Variants in EFNB2 observed in about 807,000 individuals in gnomAD.
EFNB2 encodes ephrin-B2.
A neutral mutation model predicts 32.1 loss-of-function variants in EFNB2; 5 were observed. That is an observed-to-expected ratio of 0.16 (90% confidence interval 0.08 to 0.33). The LOEUF (loss-of-function observed/expected upper bound fraction) is 0.33. EFNB2 is among the 10% of genes least tolerant of loss of function. The pLI is 1.00. For synonymous variants in EFNB2, 168 were observed against 166.5 expected (o/e 1.01, Z -0.07); for missense variants, 263 against 422.6 (o/e 0.62, Z 3.31).
intron 1 of EFNB2, among the ~76,000 whole-genome samples, chr13:106,532,393 T>C (rs1306659435): frequency 6.6e-6 from 1 of 152,222 alleles, no homozygotes; most frequent in East Asian, 1.9e-4. Flanking sequence ...AAATGAATTG[T>C]TCCACAGTTC....
intron 1 of EFNB2, chr13:106,521,399 A>C (rs1768748345): frequency 6.6e-6 from 1 of 152,228 alleles, no homozygotes; most frequent in South Asian, 2.1e-4. Context: ...TACCTTTGAA[A>C]AAAAGTAATT....
chr13:106,503,912 T>C (rs141919477), intron 2 of EFNB2, among the ~76,000 whole-genome samples: 1 of 152,348 alleles, frequency 6.6e-6, no homozygotes, highest in African/African-American at 2.4e-5. Flanking sequence ...ATGTAAGAGT[T>C]CTAAAGATAA....
At chr13:106,494,777 A>C in intron 4 of EFNB2, 104 bp downstream of exon 4, 1 of 828,586 alleles carries the variant, frequency 1.2e-6, no homozygotes, top group African/African-American at 1.7e-5. Context: ...ACTTCCAGCT[A>C]ATCCTAACTG....
intron 1 of EFNB2, chr13:106,519,962 G>A (rs1456830958): frequency 6.6e-6 from 1 of 152,126 alleles, no homozygotes; most frequent in Non-Finnish European, 1.5e-5. Context: ...AGTTGAAGTT[G>A]TGGCCTATTT....
intron 3 of EFNB2, 75 bp downstream of exon 3, chr13:106,495,673 G>A (rs1260891413): frequency 1.5e-5 from 21 of 1,388,896 alleles, no homozygotes; most frequent in Middle Eastern, 1.8e-4. Context: ...GGTGGGCATC[G>A]GCAACATTAG....
chr13:106,522,541 T>C lies in EFNB2; in HGVS notation c.123-9729A>G, dbSNP rs374884874. 1.5e-4 allele frequency among the ~76,000 whole-genome samples: 23 copies of C among 152,314 alleles called. No homozygotes were observed. The South Asian group carries it at 4.1e-3, about 27-fold the overall frequency. On this transcript the variant is annotated intron_variant, in intron 1 of 4. Coordinates refer to ENST00000646441, the MANE Select transcript of EFNB2 (RefSeq NM_004093.4). ...GGAGATGAAAGGCTCACGTAAGTCA[T>C]ACAGGGAATGCCTTGGCATTGAAAA...
At chr13:106,501,805 T>G (rs941977786) in intron 2 of EFNB2, among the ~76,000 whole-genome samples, 26 of 151,974 alleles carry the variant, frequency 1.7e-4, no homozygotes, top group African/African-American at 4.8e-4. Flanking sequence ...TGTTAGCCAG[T>G]TTGGTCTCGA....
intron 2 of EFNB2, among the ~76,000 whole-genome samples, chr13:106,504,261 C>A (rs937020873): frequency 6.6e-6 from 1 of 152,168 alleles, no homozygotes; most frequent in African/African-American, 2.4e-5. Flanking sequence ...CCAGTAATTG[C>A]GAGACGAGTG....
intron 4 of EFNB2, among the ~76,000 whole-genome samples, chr13:106,494,367 G>T (rs377365308): frequency 3.3e-5 from 5 of 152,272 alleles, no homozygotes; most frequent in African/African-American, 1.2e-4. Context: ...CTACACTTTT[G>T]TCAGGGACCT....
At chr13:106,532,854 C>T (rs1356710510) in intron 1 of EFNB2, among the ~76,000 whole-genome samples, 1 of 151,450 alleles carries the variant, frequency 6.6e-6, no homozygotes, top group East Asian at 2.0e-4. Context: ...CCTGTCACCT[C>T]CCCCCAGGAC....
chr13:106,505,098 G>C (rs892755000), intron 2 of EFNB2, among the ~76,000 whole-genome samples: 6 of 152,092 alleles, frequency 3.9e-5, no homozygotes, highest in Non-Finnish European at 8.8e-5. Flanking sequence ...ATTGCAAGCT[G>C]GTTATATGTT....
At chr13:106,516,892 T>C (rs1879330247) in intron 1 of EFNB2, 1 of 152,198 alleles carries the variant, frequency 6.6e-6, no homozygotes, top group Admixed American at 6.5e-5. Context: ...CAGACAATTA[T>C]GCAAATAGCA....
In EFNB2 at chr13:106,535,106, C is replaced by G. The variant is rs113759992; in HGVS notation, c.-142G>C. The G allele has an allele frequency of 5.3e-6, 6 of 1,130,714 alleles. No individual in the cohort carries two copies. The highest frequency in any genetic ancestry group is 3.3e-5 in the African/African-American group (2 of 61,524). 70.0% of individuals were successfully genotyped at this position (1,130,714 alleles called of 1,614,324 possible). A position where few individuals can be genotyped will look rare whatever the true frequency, so the allele number is the denominator to read the frequency against. On this transcript the variant is annotated 5_prime_UTR_variant, in exon 1 of 5. Transcript: ENST00000646441. The stretch of plus-strand genomic sequence containing the variant: ...CAGCTCCGAGGCGCGCTGCGCAGCT[C>G]CAGCGGTCGCCGGGCCAGGTGCGCT...
chr13:106,531,935 AT>A (rs200625114), intron 1 of EFNB2, among the ~76,000 whole-genome samples: 1 of 151,634 alleles, frequency 6.6e-6, no homozygotes, highest in Admixed American at 6.6e-5. Flanking sequence ...AGTAAAATTA[AT>A]TTTTTTTTAA....
At chr13:106,522,225 G>A (rs535891586) in intron 1 of EFNB2, among the ~76,000 whole-genome samples, 3 of 152,142 alleles carry the variant, frequency 2.0e-5, no homozygotes, top group Non-Finnish European at 2.9e-5. Context: ...GCTTGATCAC[G>A]CCAGCTCCAT....
chr13:106,533,465 G>A (rs528405035), intron 1 of EFNB2, among the ~76,000 whole-genome samples: 1 of 152,380 alleles, frequency 6.6e-6, no homozygotes, highest in South Asian at 2.1e-4. Flanking sequence ...GAAGGAGGCA[G>A]AGCTAAGTAA....
chr13:106,512,327 T>A (rs531846803), intron 2 of EFNB2, among the ~76,000 whole-genome samples: 5 of 137,864 alleles, frequency 3.6e-5, no homozygotes, highest in African/African-American at 1.3e-4. Flanking sequence ...TTTGGGTATG[T>A]ATACTTAATG....
chr13:106,492,809 C>T lies in EFNB2; in HGVS notation c.*231G>A, dbSNP rs977007352. On this transcript the variant is annotated 3_prime_UTR_variant, in exon 5 of 5. Coordinates refer to ENST00000646441, the MANE Select transcript of EFNB2 (RefSeq NM_004093.4). This position sits in a 1 kb window ranked among gnomAD's most constrained non-coding sequence, Gnocchi z 5.1. ...GACGCGGCACAGCAGTCCGAATGGG[C>T]GTCTTCTGCACAGTCTTCCAGCTTC... 256 of 518,576 alleles carry T rather than the reference C, an allele frequency of 4.9e-4. No individual in the cohort carries two copies. The highest frequency in any genetic ancestry group is 1.7e-4 in the Non-Finnish European group (49 of 296,476). The allele number at this position is 518,576 out of a possible 1,614,324, so 32.1% of individuals were successfully genotyped here.
intron 1 of EFNB2, among the ~76,000 whole-genome samples, chr13:106,522,056 A>C (rs1046500520): frequency 1.4e-4 from 19 of 135,608 alleles, no homozygotes; most frequent in African/African-American, 5.1e-5. Context: ...CCAAAAAAAC[A>C]AAAAAAAAAC....
Sources: allele counts gnomAD v4.1 joint callset (sites outside exome capture counted in the v4.1 genomes callset), GRCh38; gene constraint gnomAD v4.1.1; non-coding constraint Gnocchi (gnomAD v3.1); transcripts MANE v1.5; gene names NCBI Gene and HGNC (gene_info 2026-07-23, HGNC 2026-07-21).